Variants in SPAG1 observed in about 807,000 individuals in gnomAD.
SPAG1 encodes sperm associated antigen 1, also known as sperm-associated antigen 1.
Under a neutral mutation model 100.5 loss-of-function variants are expected in SPAG1, and 69 were observed. The observed-to-expected ratio is 0.69, with a 90% confidence interval of 0.57 to 0.84. SPAG1 has a LOEUF of 0.84. Ranked by LOEUF, SPAG1 falls within the 40% of genes least tolerant of loss-of-function variation. The pLI, the probability that SPAG1 is intolerant of heterozygous loss-of-function variation, is 0.00. For synonymous variants in SPAG1, 336 were observed against 411.6 expected, an observed-to-expected ratio of 0.82 and a Z score of 2.22; for missense variants, 955 against 1,133.1, an observed-to-expected ratio of 0.84 and a Z score of 2.26.
intron 18 of SPAG1, 22 bp downstream of exon 18, chr8:100,240,793 T>G: frequency 6.4e-7 from 1 of 1,567,948 alleles, no homozygotes; most frequent in Non-Finnish European, 8.6e-7. Context: ...AGTATTTTAT[T>G]AGTAGAAATT....
intron 14 of SPAG1, among the ~76,000 whole-genome samples, chr8:100,229,129 C>T (rs907257040): frequency 1.1e-4 from 17 of 152,102 alleles, no homozygotes; most frequent in African/African-American, 3.9e-4. Context: ...GGAAGTAGGC[C>T]GGGCGTGGTG....
Position 100,191,240 on chromosome 8 carries a change from T to C in SPAG1, c.833-150T>C, listed in dbSNP as rs1816801929. The C allele has an allele frequency of 2.8e-5, 16 of 577,018 alleles. No homozygotes were observed. The South Asian group carries it at 3.4e-4, about 12-fold the overall frequency. 35.7% of individuals were successfully genotyped at this position (577,018 alleles called of 1,614,324 possible). ...ATGTACCTCAGTGTCATCTCCTATG[T>C]GTGTATCAACATGAAAAAGGGTGTA... On this transcript the variant is annotated intron_variant, in intron 8 of 18. Transcript: ENST00000388798.
At chr8:100,229,440 C>A (rs374658498) in intron 14 of SPAG1, among the ~76,000 whole-genome samples, 2 of 151,040 alleles carry the variant, frequency 1.3e-5, no homozygotes, top group African/African-American at 2.5e-5. Flanking sequence ...CAAAACAAAA[C>A]AAAACAAAAA....
chr8:100,232,262 C>A (rs1461783307), intron 15 of SPAG1, among the ~76,000 whole-genome samples: 1 of 152,142 alleles, frequency 6.6e-6, no homozygotes, highest in Non-Finnish European at 1.5e-5. Context: ...GAGGAGGAGG[C>A]TGGCAGCTCA....
At chr8:100,181,944 G>C (rs1816384210) in intron 4 of SPAG1, among the ~76,000 whole-genome samples, 1 of 152,128 alleles carries the variant, frequency 6.6e-6, no homozygotes, top group Non-Finnish European at 1.5e-5. Context: ...TCGAGTTCAA[G>C]CATCAAATGA....
chr8:100,232,064 A>G (rs1426106962), intron 15 of SPAG1, among the ~76,000 whole-genome samples: 3 of 152,134 alleles, frequency 2.0e-5, no homozygotes, highest in African/African-American at 7.2e-5. Flanking sequence ...GAATGGGCAG[A>G]TTGTTGCTCA....
Position 100,241,115 on chromosome 8 carries a change from G to T in SPAG1, c.*93G>T. On this transcript the variant is annotated 3_prime_UTR_variant, in exon 19 of 19. Coordinates refer to ENST00000388798, the MANE Select transcript of SPAG1 (RefSeq NM_003114.5). This position sits in a 1 kb window ranked among gnomAD's most constrained non-coding sequence, Gnocchi z 5.1. ...TAAAAGAGTTGCATGGATAAAACTT[G>T]GCCTAGAAAAGTTTGGTCTGCACTA... 2.1e-6 allele frequency: 3 copies of T among 1,413,148 alleles called. No homozygotes were observed. Among genetic ancestry groups the T allele is most frequent in the Non-Finnish European group, 2.9e-6 (3 of 1,044,056 alleles). The allele number at this position is 1,413,148 out of a possible 1,614,324, so 87.5% of individuals were successfully genotyped here. A position where few individuals can be genotyped will look rare whatever the true frequency, so the allele number is the denominator to read the frequency against.
chr8:100,170,800 CATTTATTTATTT>C (rs138359646), intron 3 of SPAG1, among the ~76,000 whole-genome samples: 3,509 of 113,544 alleles, frequency 0.031, 52 homozygotes, highest in East Asian at 0.066. Flanking sequence ...TCCAGTCTGC[CATTTATTTATTT>C]ATTTATTTAT....
intron 5 of SPAG1, among the ~76,000 whole-genome samples, chr8:100,183,674 T>G (rs1816464521): frequency 6.6e-6 from 1 of 152,152 alleles, no homozygotes; most frequent in South Asian, 2.1e-4. Context: ...GTATTTTTTA[T>G]ACCCATCCAA....
intron 10 of SPAG1, 50 bp from the exon 11 acceptor site, chr8:100,213,040 A>G (rs2132351113): frequency 8.7e-7 from 1 of 1,151,674 alleles, no homozygotes; most frequent in East Asian, 3.7e-5. Context: ...CTCCGCGGCA[A>G]CTGCTCCCGG....
chr8:100,173,967 C>T (rs1563773646), intron 3 of SPAG1, among the ~76,000 whole-genome samples: 1 of 151,996 alleles, frequency 6.6e-6, no homozygotes, highest in Non-Finnish European at 1.5e-5. Context: ...ACATATTTAC[C>T]ACAATTTAAA....
chr8:100,162,294 A>C lies in SPAG1; in HGVS notation c.14A>C (p.Asp5Ala). 1 of 1,600,704 alleles carries C rather than the reference A, an allele frequency of 6.2e-7. No individual in the cohort carries two copies. Among genetic ancestry groups the C allele is most frequent in the South Asian group, 1.1e-5 (1 of 87,654 alleles). Reference protein sequence around the residue: MTTKDYPSLWGFGTT... With the variant: MTTKAYPSLWGFGTT... ...TGTATTTCAGCTATGACCACCAAAG[A>C]TTATCCATCATTGTGGGGCTTTGGA... The change falls in exon 2 of 19, where the codon GAT becomes GCT. Residue 5 changes from aspartate (D) to alanine (A), a missense_variant. By Grantham distance (126) the Asp-to-Ala change is moderately radical. Transcript: ENST00000388798.
intron 15 of SPAG1, among the ~76,000 whole-genome samples, chr8:100,232,716 G>A (rs1355663503): frequency 1.3e-5 from 2 of 152,080 alleles, no homozygotes; most frequent in Non-Finnish European, 2.9e-5. Flanking sequence ...GTAGCCAGAG[G>A]GACTGTCTAA....
chr8:100,181,845 T>C (rs1212189900), intron 4 of SPAG1, among the ~76,000 whole-genome samples: 1 of 152,176 alleles, frequency 6.6e-6, no homozygotes, highest in Non-Finnish European at 1.5e-5. Context: ...GGTACCGGGG[T>C]TAGGACTTCA....
chr8:100,208,231 T>C (rs2132334296), intron 10 of SPAG1, among the ~76,000 whole-genome samples: 1 of 152,326 alleles, frequency 6.6e-6, no homozygotes, highest in East Asian at 1.9e-4. Context: ...TCCTCCTACC[T>C]TTAAGTCAAC....
intron 2 of SPAG1, among the ~76,000 whole-genome samples, chr8:100,164,183 T>TA (rs1815441560): frequency 6.6e-6 from 1 of 152,056 alleles, no homozygotes; most frequent in South Asian, 2.1e-4. Flanking sequence ...CTCTTTGAAA[T>TA]AAAAAAATTT....
chr8:100,186,688 G>T (rs1176172038), intron 7 of SPAG1, among the ~76,000 whole-genome samples: 1 of 152,034 alleles, frequency 6.6e-6, no homozygotes, highest in African/African-American at 2.4e-5. Flanking sequence ...CAGACTGAGC[G>T]GCTTAAACGA....
intron 10 of SPAG1, among the ~76,000 whole-genome samples, chr8:100,195,331 G>A (rs886333435): frequency 6.6e-6 from 1 of 152,088 alleles, no homozygotes; most frequent in Non-Finnish European, 1.5e-5. Flanking sequence ...CTAATTTTGA[G>A]AGAGATACAA....
At chr8:100,221,510 A>G (rs976335545) in intron 13 of SPAG1, among the ~76,000 whole-genome samples, 2 of 152,202 alleles carry the variant, frequency 1.3e-5, no homozygotes, top group Non-Finnish European at 2.9e-5. Context: ...CTTAAAGTGT[A>G]ACTTCTGAAA....
Sources: gnomAD v4.1 joint callset for allele counts (sites outside exome capture counted in the v4.1 genomes callset) on GRCh38, gnomAD v4.1.1 for gene constraint, Gnocchi (gnomAD v3.1) non-coding constraint, MANE v1.5 for transcripts, NCBI Gene and HGNC (gene_info 2026-07-23, HGNC 2026-07-21) for gene names.